The following LAMA2 variants were observed in gnomAD, a reference collection of about 807,000 sequenced individuals.
LAMA2 encodes laminin subunit alpha-2.
A neutral mutation model predicts 364.8 loss-of-function variants in LAMA2; 269 were observed. The observed-to-expected ratio is 0.74, with a 90% confidence interval of 0.67 to 0.82. The LOEUF is 0.82. LAMA2 is among the 40% of genes least tolerant of loss of function. LAMA2 has a pLI of 0.00. For missense variants in LAMA2, 3,807 were observed against 3,873.2 expected (o/e 0.98, Z 0.45); for synonymous variants, 1,379 against 1,370.6 (o/e 1.01, Z -0.14).
At chr6:128,930,240 T>C (rs1057457540) in intron 1 of LAMA2, among the ~76,000 whole-genome samples, 20 of 152,366 alleles carry the variant, frequency 1.3e-4, no homozygotes, top group African/African-American at 4.8e-4. Flanking sequence ...GTATTTCTTA[T>C]ATTTTCCTAT....
chr6:128,938,485 C>T (rs1779968618), intron 1 of LAMA2, among the ~76,000 whole-genome samples: 1 of 152,004 alleles, frequency 6.6e-6, no homozygotes, highest in Non-Finnish European at 1.5e-5. Flanking sequence ...TTTCAGCCAC[C>T]AGTTGTATAT....
intron 41 of LAMA2, among the ~76,000 whole-genome samples, chr6:129,434,809 G>A (rs1424994733): frequency 6.6e-6 from 1 of 152,002 alleles, no homozygotes; most frequent in Non-Finnish European, 1.5e-5. Context: ...TCTCTGAATA[G>A]CTTCTACTCA....
chr6:128,937,939 C>G (rs981091732), intron 1 of LAMA2, among the ~76,000 whole-genome samples: 1 of 151,326 alleles, frequency 6.6e-6, no homozygotes, highest in Admixed American at 6.6e-5. Flanking sequence ...TCTCTTAGAA[C>G]GTCTTTTGCT....
At chr6:129,048,748 G>A (rs918485261) in intron 1 of LAMA2, among the ~76,000 whole-genome samples, 2 of 151,580 alleles carry the variant, frequency 1.3e-5, no homozygotes, top group African/African-American at 2.4e-5. Flanking sequence ...CCAAGTAGCT[G>A]GGATTACAGA....
chr6:129,128,915 G>A lies in LAMA2; in HGVS notation c.640-14986G>A, dbSNP rs192399182. Among the ~76,000 whole-genome samples the A allele has an allele frequency of 2.3e-4, 35 of 152,214 alleles. 1 individual carries two copies. The East Asian group carries it at 6.6e-3, about 29-fold the overall frequency. On this transcript the variant is annotated intron_variant, in intron 4 of 64. Coordinates refer to ENST00000421865, the MANE Select transcript of LAMA2 (RefSeq NM_000426.4). ...GAAATACAAAGATTTGATTTTATAA[G>A]TGAAATATTTCTTAAGTAAACTATC... is the stretch of plus-strand genomic sequence containing the variant.
chr6:129,295,967 G>A (rs1719894443), intron 20 of LAMA2, among the ~76,000 whole-genome samples: 1 of 151,614 alleles, frequency 6.6e-6, no homozygotes. Flanking sequence ...TTCTGTTTCT[G>A]TTTGTGTGTC....
At chr6:129,308,810 G>T (rs1445998596) in intron 22 of LAMA2, among the ~76,000 whole-genome samples, 3 of 152,194 alleles carry the variant, frequency 2.0e-5, no homozygotes, top group African/African-American at 7.2e-5. Flanking sequence ...TTCCAGTCAT[G>T]ATGGAAGGCC....
chr6:129,324,540 G>A (rs1775156907), intron 28 of LAMA2, among the ~76,000 whole-genome samples: 2 of 152,164 alleles, frequency 1.3e-5, no homozygotes, highest in Admixed American at 6.5e-5. Context: ...CTTAACGACA[G>A]GGATACGTTC....
Position 129,098,339 on chromosome 6 carries a change from C to T in LAMA2, c.563C>T (p.Pro188Leu). 6.2e-7 allele frequency: 1 copy of T among 1,613,978 alleles called. No homozygotes were observed. The highest frequency in any genetic ancestry group is 8.5e-7 in the Non-Finnish European group (1 of 1,179,928). Residue 188 changes from proline to leucine, a missense_variant, in exon 4 of 65, where the codon CCA becomes CTA. Physicochemically the swap from Pro to Leu is moderately conservative, Grantham distance 98. Around this residue, in one of 3 missense-constraint regions of LAMA2, gnomAD observed 394 missense variants for 403.5 expected, o/e 0.98. Transcript: ENST00000421865. ...TACAATATTTATCCCCGCACTGGGC[C>T]ACCGTCATATGCCAAAGATGATGAG... is the stretch of plus-strand genomic sequence containing the variant. The part of the protein sequence containing the change: ...TLYNIYPRTG[P>L]PSYAKDDEVI...
chr6:129,330,591 G>T (rs1264760205), intron 29 of LAMA2, among the ~76,000 whole-genome samples: 2 of 83,790 alleles, frequency 2.4e-5, no homozygotes, highest in African/African-American at 4.5e-5. Flanking sequence ...GTTGTTGTTT[G>T]GTTTTTGTTT....
chr6:129,423,855 A>G (rs1377205409), intron 40 of LAMA2, among the ~76,000 whole-genome samples: 1 of 152,098 alleles, frequency 6.6e-6, no homozygotes, highest in Non-Finnish European at 1.5e-5. Flanking sequence ...CTACACATTC[A>G]ATGCAATCCC....
intron 1 of LAMA2, among the ~76,000 whole-genome samples, chr6:128,938,808 G>T (rs1489867692): frequency 1.3e-5 from 2 of 152,134 alleles, no homozygotes; most frequent in East Asian, 3.9e-4. Context: ...AAAAGGGATA[G>T]AATTCTATCA....
intron 22 of LAMA2, among the ~76,000 whole-genome samples, chr6:129,305,201 C>A (rs191650812): frequency 5.3e-5 from 8 of 152,246 alleles, no homozygotes; most frequent in Admixed American, 5.2e-4. Context: ...ATTCCTTGTT[C>A]AGAAGTGTAC....
chr6:129,062,329 T>C (rs1354250562), intron 3 of LAMA2, among the ~76,000 whole-genome samples: 1 of 152,170 alleles, frequency 6.6e-6, no homozygotes, highest in Admixed American at 6.5e-5. Context: ...AAGCTTATTA[T>C]GGGCAGGGCT....
At chr6:129,065,342 G>A (rs949352755) in intron 3 of LAMA2, among the ~76,000 whole-genome samples, 1 of 152,026 alleles carries the variant, frequency 6.6e-6, no homozygotes, top group Non-Finnish European at 1.5e-5. Flanking sequence ...TCTAAGATCA[G>A]GAATAAGACA....
intron 18 of LAMA2, among the ~76,000 whole-genome samples, chr6:129,280,961 C>T (rs1443111714): frequency 6.6e-6 from 1 of 152,132 alleles, no homozygotes; most frequent in East Asian, 1.9e-4. Flanking sequence ...TTCTGCCCGT[C>T]TTTTCCTGTC....
intron 20 of LAMA2, among the ~76,000 whole-genome samples, chr6:129,292,128 C>T (rs1481148673): frequency 6.6e-6 from 1 of 152,248 alleles, no homozygotes; most frequent in East Asian, 1.9e-4. Context: ...AGGTGGATCA[C>T]GAGGTCAGGA....
chr6:128,950,300 A>G (rs1780730634), intron 1 of LAMA2, among the ~76,000 whole-genome samples: 1 of 152,154 alleles, frequency 6.6e-6, no homozygotes, highest in African/African-American at 2.4e-5. Context: ...AGATATGTTC[A>G]AAGCAGAAGG....
At chr6:128,904,387 T>C (rs2114426670) in intron 1 of LAMA2, among the ~76,000 whole-genome samples, 1 of 152,090 alleles carries the variant, frequency 6.6e-6, no homozygotes, top group South Asian at 2.1e-4. Context: ...CCTTTGTCTC[T>C]ATCTCCCTAG....
Sources: allele counts gnomAD v4.1 joint callset (sites outside exome capture counted in the v4.1 genomes callset), GRCh38; gene constraint gnomAD v4.1.1; regional missense constraint gnomAD v4.1.1; transcripts MANE v1.5; gene names NCBI Gene and HGNC (gene_info 2026-07-23, HGNC 2026-07-21).